DST: variants seen among roughly 807,000 people sequenced by gnomAD.
DST encodes the protein bullous pemphigoid antigen.
In DST, 253 loss-of-function variants were observed where a neutral mutation model predicts 875.2. The observed-to-expected ratio is 0.29, with a 90% confidence interval of 0.26 to 0.32. The LOEUF (loss-of-function observed/expected upper bound fraction) is 0.32, where lower values mean the gene tolerates loss of function less well. Among genes scored for constraint, DST ranks in the 10% least tolerant of loss-of-function variants. The pLI is 1.00. For synonymous variants in DST, 3,124 were observed against 3,197.1 expected, an observed-to-expected ratio of 0.98 and a Z score of 0.77; for missense variants, 8,287 against 9,111.6, an observed-to-expected ratio of 0.91 and a Z score of 3.68.
chr6:56,558,421 G>A (rs886730958), intron 58 of DST, among the ~76,000 whole-genome samples: 1 of 151,890 alleles, frequency 6.6e-6, no homozygotes, highest in Admixed American at 6.6e-5. Flanking sequence ...GAGATTTCTG[G>A]GCTCTACCCT....
At chr6:56,640,737 C>T in intron 17 of DST, 132 bp from the exon 18 acceptor site, 1 of 743,068 alleles carries the variant, frequency 1.3e-6, no homozygotes, top group Non-Finnish European at 2.3e-6. Context: ...AGCAAATGTG[C>T]CACACTAATG....
At chr6:56,587,161 G>GA (rs2098170468) in intron 49 of DST, among the ~76,000 whole-genome samples, 1 of 151,938 alleles carries the variant, frequency 6.6e-6, no homozygotes, top group Non-Finnish European at 1.5e-5. Context: ...TGAAAACTTT[G>GA]AAAAAAATTT....
intron 87 of DST, 40 bp downstream of exon 87, chr6:56,487,064 G>C: frequency 6.3e-7 from 1 of 1,596,986 alleles, no homozygotes; most frequent in East Asian, 2.2e-5. Context: ...ATTTGAAAGA[G>C]GTCTACAGAG....
chr6:56,527,196 G>A (rs2096818286), intron 68 of DST, among the ~76,000 whole-genome samples: 2 of 152,068 alleles, frequency 1.3e-5, no homozygotes, highest in African/African-American at 2.4e-5. Context: ...AATTATGTGT[G>A]TCTCTGAAAC....
At chr6:56,477,996 A>G (rs1053227593) in intron 90 of DST, among the ~76,000 whole-genome samples, 1 of 152,172 alleles carries the variant, frequency 6.6e-6, no homozygotes, top group Non-Finnish European at 1.5e-5. Flanking sequence ...TTTATTTTTG[A>G]ATATCTGGAT....
intron 94 of DST, chr6:56,471,831 C>T: frequency 1.8e-6 from 1 of 566,078 alleles, no homozygotes; most frequent in South Asian, 2.1e-5. Context: ...AAAACATAAT[C>T]ATTTTTTTTA....
At chr6:56,636,285 CACATAT>C (rs1563356013) in intron 23 of DST, among the ~76,000 whole-genome samples, 2 of 149,612 alleles carry the variant, frequency 1.3e-5, no homozygotes, top group East Asian at 1.9e-4. Flanking sequence ...CACACACACA[CACATAT>C]ACATATATAC....
chr6:56,930,867 G>T (rs1008409304), intron 2 of DST, among the ~76,000 whole-genome samples: 1 of 152,190 alleles, frequency 6.6e-6, no homozygotes, highest in African/African-American at 2.4e-5. Context: ...ATATTCCTTT[G>T]TCACGATTGC....
intron 9 of DST, among the ~76,000 whole-genome samples, chr6:56,685,632 C>A (rs1256644786): frequency 6.6e-6 from 1 of 151,928 alleles, no homozygotes; most frequent in Non-Finnish European, 1.5e-5. Flanking sequence ...ATTAGCCAGG[C>A]GTGGTGGTGG....
At chr6:56,878,054 C>A (rs986550397) in intron 3 of DST, among the ~76,000 whole-genome samples, 4 of 152,054 alleles carry the variant, frequency 2.6e-5, no homozygotes, top group Non-Finnish European at 5.9e-5. Flanking sequence ...AAAAAAAAAT[C>A]TTTCCCACAA....
chr6:56,653,653 C>G (rs1028508454), intron 10 of DST, among the ~76,000 whole-genome samples: 5 of 152,190 alleles, frequency 3.3e-5, no homozygotes, highest in Non-Finnish European at 5.9e-5. Context: ...CCACTGCACT[C>G]CAGCCTGGAC....
chr6:56,490,013 G>A (rs56982418), intron 85 of DST, among the ~76,000 whole-genome samples: 2,513 of 152,096 alleles, frequency 0.017, 70 homozygotes, highest in African/African-American at 0.055. Flanking sequence ...TTACTTCTAG[G>A]GAATTTAATC....
intron 2 of DST, among the ~76,000 whole-genome samples, chr6:56,914,731 T>TGG (rs1800140500): frequency 6.6e-6 from 1 of 152,006 alleles, no homozygotes; most frequent in Admixed American, 6.5e-5. Flanking sequence ...TAACATTCAA[T>TGG]GACAAGAAAG....
intron 4 of DST, among the ~76,000 whole-genome samples, chr6:56,745,828 A>AC: frequency 6.6e-6 from 1 of 152,202 alleles, no homozygotes; most frequent in East Asian, 1.9e-4. Flanking sequence ...CAACAAAAAT[A>AC]TGGGGTAATA....
intron 36 of DST, chr6:56,618,694 C>A: frequency 1.9e-6 from 3 of 1,613,784 alleles, no homozygotes; most frequent in Non-Finnish European, 2.5e-6. Flanking sequence ...GTTGAAGAGA[C>A]ACAAAGTCAA....
intron 2 of DST, among the ~76,000 whole-genome samples, chr6:56,927,897 A>G (rs570277191): frequency 1.3e-5 from 2 of 152,338 alleles, no homozygotes; most frequent in African/African-American, 2.4e-5. Context: ...AATGCAAGGA[A>G]GCAGCTACCA....
chr6:56,463,781 C>A lies in DST; in HGVS notation c.22760-17G>T. The A allele has an allele frequency of 6.2e-7, 1 of 1,612,972 alleles. No individual in the cohort carries two copies. Among genetic ancestry groups the A allele is most frequent in the African/African-American group, 1.3e-5 (1 of 75,022 alleles). On this transcript the variant is annotated splice_polypyrimidine_tract_variant and intron_variant, in intron 100 of 103. Coordinates refer to ENST00000680361, the MANE Select transcript of DST (RefSeq NM_001374736.1). ...TTCCTTTGGCTGGGTTATACACACACAACAATGCACACAAAGAAAAGACGG... is the reference window on the plus strand; with the variant it reads ...TTCCTTTGGCTGGGTTATACACACAAAACAATGCACACAAAGAAAAGACGG...
chr6:56,521,602 A>G (rs941407816), intron 69 of DST, among the ~76,000 whole-genome samples: 2 of 11,194 alleles, frequency 1.8e-4, no homozygotes, highest in Non-Finnish European at 3.7e-4. Context: ...TCTGCTAAGG[A>G]AAAAAAAAAA....
intron 4 of DST, among the ~76,000 whole-genome samples, chr6:56,761,683 A>AGGGGG (rs1309425988): frequency 2.0e-5 from 3 of 152,016 alleles, no homozygotes; most frequent in Non-Finnish European, 4.4e-5. Context: ...CTAGCATCTT[A>AGGGGG]ACCCCAGGTT....
Sources: gnomAD v4.1 joint callset for allele counts (sites outside exome capture counted in the v4.1 genomes callset) on GRCh38, gnomAD v4.1.1 for gene constraint, MANE v1.5 for transcripts, NCBI Gene and HGNC (gene_info 2026-07-23, HGNC 2026-07-21) for gene names.